USH2A: variants seen among roughly 807,000 people sequenced by gnomAD.
USH2A encodes usherin.
Under a neutral mutation model 538.9 loss-of-function variants are expected in USH2A, and 443 were observed. The ratio of observed to expected loss-of-function variants is 0.82; its 90% CI spans 0.76 to 0.89. The LOEUF is 0.89. Among genes scored for constraint, USH2A ranks in the 40% least tolerant of loss-of-function variants. USH2A has a pLI of 0.00. For missense variants in USH2A, 6,633 were observed against 6,324.8 expected (o/e 1.05, Z -1.65); for synonymous variants, 2,413 against 2,273.5 (o/e 1.06, Z -1.75).
chr1:216,329,974 A>C (rs768352180), intron 4 of USH2A, among the ~76,000 whole-genome samples: 1 of 152,130 alleles, frequency 6.6e-6, no homozygotes, highest in Non-Finnish European at 1.5e-5. Context: ...TATTTTATAT[A>C]ACCTCTAGGG....
At position 215,623,003 on chromosome 1, in the gene USH2A, A is replaced by G. The variant is rs956464429; in HGVS notation, c.*2778T>C. The G allele has an allele frequency of 6.6e-6, 1 of 152,164 alleles. No homozygotes were observed. The highest frequency in any genetic ancestry group is 2.4e-5 in the African/African-American group (1 of 41,460). 9.4% of individuals were successfully genotyped at this position (152,164 alleles called of 1,614,324 possible). A position where few individuals can be genotyped will look rare whatever the true frequency, so the allele number is the denominator to read the frequency against. ...TGACATAATTAAAAGTTCCTTATTAATGAATTCTTCCACTTGGACTATGTT... is the reference window on the plus strand; with the variant it reads ...TGACATAATTAAAAGTTCCTTATTAGTGAATTCTTCCACTTGGACTATGTT... On this transcript the variant is annotated 3_prime_UTR_variant, in exon 72 of 72. Transcript: ENST00000307340.
intron 21 of USH2A, among the ~76,000 whole-genome samples, chr1:216,159,237 A>G (rs1393751578): frequency 6.6e-6 from 1 of 152,140 alleles, no homozygotes; most frequent in African/African-American, 2.4e-5. Flanking sequence ...ACATTAAATA[A>G]AAGTGGTGAT....
intron 11 of USH2A, among the ~76,000 whole-genome samples, chr1:216,265,649 TA>T (rs1228966469): frequency 2.7e-4 from 41 of 151,304 alleles, no homozygotes; most frequent in African/African-American, 8.5e-4. Flanking sequence ...TATATATATA[TA>T]TCATATATCA....
intron 21 of USH2A, among the ~76,000 whole-genome samples, chr1:216,146,144 G>A (rs1412244352): frequency 1.3e-5 from 2 of 152,126 alleles, no homozygotes; most frequent in East Asian, 1.9e-4. Context: ...ATCCACCTAC[G>A]ACCTCAGGTC....
At position 215,623,678 on chromosome 1, in the gene USH2A, T is replaced by C. The variant is rs908345446; in HGVS notation, c.*2103A>G. ...GGAGTCAAAATGTAAATGATTCAGC[T>C]AACTGAGTTCATGTCTAATTAGATG... On this transcript the variant is annotated 3_prime_UTR_variant, in exon 72 of 72. Coordinates refer to ENST00000307340, the MANE Select transcript of USH2A (RefSeq NM_206933.4). The C allele has an allele frequency of 1.3e-5, 2 of 152,024 alleles. No individual in the cohort carries two copies. 9.4% of individuals were successfully genotyped at this position (152,024 alleles called of 1,614,324 possible). A position where few individuals can be genotyped will look rare whatever the true frequency, so the allele number is the denominator to read the frequency against.
intron 29 of USH2A, chr1:216,072,617 C>T: frequency 2.1e-6 from 1 of 480,000 alleles, no homozygotes; most frequent in East Asian, 4.2e-5. Context: ...GGGACTATTA[C>T]ATCCTTAAGA....
intron 21 of USH2A, among the ~76,000 whole-genome samples, chr1:216,129,349 A>C: frequency 6.6e-6 from 1 of 152,048 alleles, no homozygotes; most frequent in East Asian, 1.9e-4. Flanking sequence ...TAGCGGCTAT[A>C]CTAATTTGCA....
At chr1:216,309,225 T>C (rs530861805) in intron 9 of USH2A, among the ~76,000 whole-genome samples, 1 of 152,316 alleles carries the variant, frequency 6.6e-6, no homozygotes, top group East Asian at 1.9e-4. Context: ...GCAACACTAA[T>C]GTGTCTTTAC....
chr1:215,685,326 A>G, intron 61 of USH2A, among the ~76,000 whole-genome samples: 1 of 62,084 alleles, frequency 1.6e-5, no homozygotes, highest in Non-Finnish European at 3.6e-5. Flanking sequence ...TGCAAAATTC[A>G]AATCAGTTTT....
chr1:215,871,135 C>G (rs1266813763), intron 43 of USH2A, among the ~76,000 whole-genome samples: 1 of 152,060 alleles, frequency 6.6e-6, no homozygotes, highest in Non-Finnish European at 1.5e-5. Flanking sequence ...AGTTTTTCCC[C>G]CATTTGCTTG....
At chr1:216,298,534 A>C (rs1013797358) in intron 9 of USH2A, among the ~76,000 whole-genome samples, 2 of 152,208 alleles carry the variant, frequency 1.3e-5, no homozygotes. Context: ...GACCCAATGG[A>C]ATGGTTCTGG....
At chr1:215,951,403 A>G (rs1666907769) in intron 37 of USH2A, among the ~76,000 whole-genome samples, 1 of 152,208 alleles carries the variant, frequency 6.6e-6, no homozygotes, top group Non-Finnish European at 1.5e-5. Context: ...GTTTGATTGC[A>G]CTGTGGTCTG....
intron 38 of USH2A, among the ~76,000 whole-genome samples, chr1:215,921,205 G>T (rs1440345130): frequency 6.6e-6 from 1 of 152,010 alleles, no homozygotes; most frequent in African/African-American, 2.4e-5. Context: ...TATAATAGAA[G>T]TTCATAGGTA....
chr1:216,259,386 G>A (rs2036321741), intron 11 of USH2A, among the ~76,000 whole-genome samples: 1 of 152,042 alleles, frequency 6.6e-6, no homozygotes, highest in Non-Finnish European at 1.5e-5. Flanking sequence ...CAATTGAAAT[G>A]GAATATTTCA....
chr1:215,764,428 G>GA (rs542513312), intron 56 of USH2A, among the ~76,000 whole-genome samples: 290 of 151,994 alleles, frequency 1.9e-3, no homozygotes, highest in African/African-American at 5.5e-3. Context: ...AGTAATTGTA[G>GA]AAAAAAAGAG....
In USH2A at chr1:216,027,713, T is replaced by C. The variant is rs76842145; in HGVS notation, c.6325+18718A>G. Among the ~76,000 whole-genome samples the C allele has an allele frequency of 5.6e-3, 846 of 152,286 alleles. 10 individuals are homozygous for C. Among genetic ancestry groups the C allele is most frequent in the African/African-American group, 0.019 (792 of 41,568 alleles). ...AGTTCACAATATTAGACAGCTCTTATTGAAAATCAGCAGACTAGCTTTAAA... is the reference window on the plus strand; with the variant it reads ...AGTTCACAATATTAGACAGCTCTTACTGAAAATCAGCAGACTAGCTTTAAA... On this transcript the variant is annotated intron_variant, in intron 32 of 71. Transcript: ENST00000307340.
At chr1:216,076,276 A>G (rs1017763672) in intron 27 of USH2A, among the ~76,000 whole-genome samples, 3 of 152,208 alleles carry the variant, frequency 2.0e-5, no homozygotes, top group African/African-American at 7.2e-5. Flanking sequence ...GAGACCACTG[A>G]TATGGATGAT....
At chr1:216,202,044 T>C (rs903308941) in intron 16 of USH2A, among the ~76,000 whole-genome samples, 1 of 152,138 alleles carries the variant, frequency 6.6e-6, no homozygotes, top group Non-Finnish European at 1.5e-5. Flanking sequence ...GTTACCCTTA[T>C]CCCACAATAA....
At chr1:216,145,788 C>T (rs758584278) in intron 21 of USH2A, among the ~76,000 whole-genome samples, 11 of 152,176 alleles carry the variant, frequency 7.2e-5, no homozygotes, top group South Asian at 2.1e-4. Context: ...GACATTACCT[C>T]GTGAAAGTCC....
Sources: gnomAD v4.1 joint callset for allele counts (sites outside exome capture counted in the v4.1 genomes callset) on GRCh38, gnomAD v4.1.1 for gene constraint, MANE v1.5 for transcripts, NCBI Gene and HGNC (gene_info 2026-07-23, HGNC 2026-07-21) for gene names.